The following RPGRIP1 variants were observed in gnomAD, a reference collection of about 807,000 sequenced individuals.
The protein encoded by RPGRIP1 is RPGR interacting protein 1.
In RPGRIP1, 128 loss-of-function variants were observed where a neutral mutation model predicts 157.9. The observed-to-expected ratio is 0.81, with a 90% CI of 0.70 to 0.94. The LOEUF (loss-of-function observed/expected upper bound fraction) is 0.94, where lower values mean the gene tolerates loss of function less well. Among genes scored for constraint, RPGRIP1 ranks in the 40% least tolerant of loss-of-function variants. The pLI is 0.00. For missense variants in RPGRIP1, 1,486 were observed against 1,545.8 expected (o/e 0.96, Z 0.65); for synonymous variants, 554 against 571.6 (o/e 0.97, Z 0.44).
In RPGRIP1 at chr14:21,301,256, T is replaced by TC. The variant is rs1382653471; in HGVS notation, c.490+23dup. The TC allele has an allele frequency of 5.1e-6, 8 of 1,570,320 alleles. No individual in the cohort carries two copies. Among genetic ancestry groups the TC allele is most frequent in the Middle Eastern group, 3.4e-4 (2 of 5,926 alleles). On this transcript the variant is annotated intron_variant, in intron 4 of 24. Transcript: ENST00000400017. ...AAGAGGGGTGAGATTTAAGGCTACATCCCCTACAGGGCTAAGACACTGGGA... is the reference window on the plus strand; with the variant it reads ...AAGAGGGGTGAGATTTAAGGCTACATCCCCCTACAGGGCTAAGACACTGGGA...
intron 9 of RPGRIP1, 116 bp downstream of exon 9, chr14:21,312,086 G>A (rs61977482): frequency 0.22 from 199,859 of 924,280 alleles, 23,667 homozygotes; most frequent in Non-Finnish European, 0.24. Context: ...ACGAAGCTCC[G>A]AGTAGTTAAA....
At chr14:21,337,753 ATTTT>A (rs60322777) in intron 21 of RPGRIP1, among the ~76,000 whole-genome samples, 17 of 98,282 alleles carry the variant, frequency 1.7e-4, no homozygotes, top group African/African-American at 3.0e-4. Context: ...TAGGTTAAGC[ATTTT>A]TTTTTTTTTT....
At chr14:21,320,359 G>T (rs1882275579) in intron 12 of RPGRIP1, among the ~76,000 whole-genome samples, 182 bp downstream of exon 12, 2 of 151,680 alleles carry the variant, frequency 1.3e-5, no homozygotes, top group African/African-American at 2.4e-5. Context: ...GCGCGATCTC[G>T]GCTCACTGCA....
chr14:21,286,221 C>A (rs1338640054), intron 1 of RPGRIP1, among the ~76,000 whole-genome samples: 3 of 152,000 alleles, frequency 2.0e-5, no homozygotes, highest in Non-Finnish European at 4.4e-5. Context: ...GAACTCCTGA[C>A]CTCGGGCGAT....
intron 24 of RPGRIP1, among the ~76,000 whole-genome samples, 165 bp from the exon 25 acceptor site, chr14:21,350,939 T>C (rs1052794264): frequency 6.6e-6 from 1 of 152,228 alleles, no homozygotes; most frequent in Non-Finnish European, 1.5e-5. Flanking sequence ...CCATTTATTA[T>C]ATAGCACCTA....
intron 23 of RPGRIP1, among the ~76,000 whole-genome samples, chr14:21,347,418 C>T (rs181692312): frequency 4.9e-4 from 74 of 152,342 alleles, no homozygotes; most frequent in African/African-American, 1.6e-3. Context: ...ATTATCACTT[C>T]GCATTGTTGA....
Position 21,282,486 on chromosome 14 carries a change from T to C in RPGRIP1, c.-39+2327T>C, listed in dbSNP as rs1880166303. On this transcript the variant is annotated intron_variant, in intron 1 of 24. Transcript: ENST00000400017. Reference sequence around the variant, plus strand: ...CTCCTGACCTCATGATCAGCCCGCCTCAGCCTCCCATAGTGCTGGGATTAC... The same window carrying C: ...CTCCTGACCTCATGATCAGCCCGCCCCAGCCTCCCATAGTGCTGGGATTAC... Among the ~76,000 whole-genome samples the C allele has an allele frequency of 3.9e-5, 6 of 152,132 alleles. No individual in the cohort carries two copies. In the South Asian group the frequency reaches 8.3e-4, roughly 21 times the overall value.
At chr14:21,312,222 A>T (rs527599505) in intron 9 of RPGRIP1, among the ~76,000 whole-genome samples, 1 of 152,268 alleles carries the variant, frequency 6.6e-6, no homozygotes, top group East Asian at 1.9e-4. Context: ...GAAACAGTGA[A>T]GACTTATTTT....
chr14:21,329,211 C>T (rs985741923), intron 19 of RPGRIP1, among the ~76,000 whole-genome samples: 6 of 150,930 alleles, frequency 4.0e-5, no homozygotes, highest in African/African-American at 7.3e-5. Flanking sequence ...GCTACTCAGT[C>T]GGGAGGCTGA....
intron 10 of RPGRIP1, chr14:21,317,392 A>G (rs1197784785): frequency 7.1e-6 from 4 of 567,036 alleles, no homozygotes; most frequent in Non-Finnish European, 9.2e-6. Context: ...GTCTTGATAC[A>G]TAGTTCCCTG....
At chr14:21,334,041 G>A (rs1056085488) in intron 20 of RPGRIP1, among the ~76,000 whole-genome samples, 1 of 150,710 alleles carries the variant, frequency 6.6e-6, no homozygotes, top group African/African-American at 2.4e-5. Context: ...TCCTGCCTCA[G>A]CCTCCCGAGT....
At chr14:21,335,581 A>G (rs954372569) in intron 21 of RPGRIP1, among the ~76,000 whole-genome samples, 7 of 152,204 alleles carry the variant, frequency 4.6e-5, no homozygotes, top group Non-Finnish European at 1.0e-4. Context: ...CTGTAATCCC[A>G]GCGCTTTGGG....
At position 21,320,821 on chromosome 14, in the gene RPGRIP1, G is replaced by A. The variant is rs548998853; in HGVS notation, c.1468-438G>A. 3.6e-3 allele frequency among the ~76,000 whole-genome samples: 538 copies of A among 151,354 alleles called. 2 individuals are homozygous for A. The highest frequency in any genetic ancestry group is 0.012 in the African/African-American group (512 of 41,244). Reference sequence around the variant, plus strand: ...TCGCCATTTTGGCCAGGCTGGTCTCGAACTCCTGACCTCTGGTGATCCGCC... The same window carrying A: ...TCGCCATTTTGGCCAGGCTGGTCTCAAACTCCTGACCTCTGGTGATCCGCC... On this transcript the variant is annotated intron_variant, in intron 12 of 24. Coordinates refer to ENST00000400017, the MANE Select transcript of RPGRIP1 (RefSeq NM_020366.4).
Position 21,348,282 on chromosome 14 carries a change from T to C in RPGRIP1, c.3728T>C (p.Ile1243Thr). Reference protein sequence around the residue: ...LWQILESGRDILEQELDIVSP... With the variant: ...LWQILESGRDTLEQELDIVSP... The stretch of plus-strand genomic sequence containing the variant: ...CAGATCCTGGAGTCAGGAAGAGATA[T>C]TCTAGAGCAAGAGCTAGACAGTGAG... The change falls in exon 24 of 25, where the codon ATT (isoleucine) becomes ACT (threonine). Residue 1243 changes from isoleucine (I) to threonine (T), a missense_variant. Transcript: ENST00000400017. 1 of 1,585,096 alleles carries C rather than the reference T, an allele frequency of 6.3e-7. No homozygotes were observed. Among genetic ancestry groups the C allele is most frequent in the Non-Finnish European group, 8.6e-7 (1 of 1,167,118 alleles).
intron 11 of RPGRIP1, chr14:21,318,133 T>C: frequency 1.8e-6 from 1 of 562,788 alleles, no homozygotes. Flanking sequence ...TGAGGTGGAG[T>C]TTCGCTCTTG....
intron 2 of RPGRIP1, among the ~76,000 whole-genome samples, chr14:21,293,679 C>G (rs1880630718): frequency 6.6e-6 from 1 of 152,072 alleles, no homozygotes; most frequent in South Asian, 2.1e-4. Flanking sequence ...GAGATCGAGA[C>G]CATCCTGGCT....
At chr14:21,286,224 C>T (rs1218161092) in intron 1 of RPGRIP1, among the ~76,000 whole-genome samples, 5 of 152,054 alleles carry the variant, frequency 3.3e-5, no homozygotes, top group Middle Eastern at 3.4e-3. Flanking sequence ...CTCCTGACCT[C>T]GGGCGATCCG....
chr14:21,280,824 C>A (rs1159915989), intron 1 of RPGRIP1, among the ~76,000 whole-genome samples: 1 of 152,048 alleles, frequency 6.6e-6, no homozygotes, highest in Non-Finnish European at 1.5e-5. Context: ...GATGAATCTT[C>A]CTAATGCTCT....
intron 22 of RPGRIP1, among the ~76,000 whole-genome samples, chr14:21,343,859 T>C (rs1178279942): frequency 7.1e-6 from 1 of 141,612 alleles, no homozygotes; most frequent in Non-Finnish European, 1.5e-5. Flanking sequence ...GTTCTTCCTC[T>C]TTTCCTGTTT....
Sources: allele counts gnomAD v4.1 joint callset (sites outside exome capture counted in the v4.1 genomes callset), GRCh38; gene constraint gnomAD v4.1.1; transcripts MANE v1.5; gene names NCBI Gene and HGNC (gene_info 2026-07-23, HGNC 2026-07-21).